Variants in NAV2 observed in about 807,000 individuals in gnomAD.
NAV2 encodes the protein helicase, APC down-regulated 1.
NAV2 carries 54 observed loss-of-function variants against 223.2 expected under a neutral mutation model. That is an observed-to-expected ratio of 0.24 (90% confidence interval 0.19 to 0.30). NAV2 has a LOEUF of 0.30. NAV2 is among the 10% of genes least tolerant of loss of function. The pLI, the probability that NAV2 is intolerant of heterozygous loss-of-function variation, is 1.00. For synonymous variants in NAV2, 1,279 were observed against 1,239.3 expected (o/e 1.03, Z -0.67); for missense variants, 2,806 against 3,147.5 (o/e 0.89, Z 2.60).
At chr11:19,959,617 A>G (rs2048180376) in intron 10 of NAV2, among the ~76,000 whole-genome samples, 1 of 152,204 alleles carries the variant, frequency 6.6e-6, no homozygotes, top group Non-Finnish European at 1.5e-5. Context: ...TGTTTCCTAG[A>G]TTCAATCTGA....
intron 1 of NAV2, among the ~76,000 whole-genome samples, chr11:19,397,418 T>TGTGCGC (rs57566081): frequency 6.9e-6 from 1 of 145,264 alleles, no homozygotes; most frequent in African/African-American, 2.6e-5. Context: ...TGTGTGTGTG[T>TGTGCGC]GCGCGCATGT....
At chr11:19,891,111 A>G (rs1257959546) in intron 5 of NAV2, among the ~76,000 whole-genome samples, 1 of 152,198 alleles carries the variant, frequency 6.6e-6, no homozygotes, top group East Asian at 1.9e-4. Flanking sequence ...CCAGCCAACA[A>G]GAAAAGTTTA....
intron 1 of NAV2, among the ~76,000 whole-genome samples, chr11:19,765,528 C>G (rs949358352): frequency 6.6e-6 from 1 of 151,888 alleles, no homozygotes; most frequent in African/African-American, 2.4e-5. Flanking sequence ...GAAAGCTGTC[C>G]TTAACTGACG....
intron 1 of NAV2, among the ~76,000 whole-genome samples, chr11:19,650,741 A>G (rs2047948000): frequency 6.6e-6 from 1 of 152,254 alleles, no homozygotes; most frequent in Admixed American, 6.5e-5. Context: ...CTACCCGGCA[A>G]TTAAAAGGAA....
intron 1 of NAV2, among the ~76,000 whole-genome samples, chr11:19,750,875 A>G (rs1298702710): frequency 6.6e-6 from 1 of 152,144 alleles, no homozygotes; most frequent in African/African-American, 2.4e-5. Context: ...GCTATATACT[A>G]TACACTGTGC....
At chr11:19,652,089 T>G (rs1250785735) in intron 1 of NAV2, among the ~76,000 whole-genome samples, 1 of 152,156 alleles carries the variant, frequency 6.6e-6, no homozygotes, top group Non-Finnish European at 1.5e-5. Context: ...ATAACTCGGA[T>G]GCACAGTGAT....
intron 1 of NAV2, among the ~76,000 whole-genome samples, chr11:19,617,431 G>A (rs1179314092): frequency 6.6e-6 from 1 of 152,140 alleles, no homozygotes; most frequent in Non-Finnish European, 1.5e-5. Flanking sequence ...TAACTGTCTG[G>A]TAATGGGGGG....
intron 2 of NAV2, among the ~76,000 whole-genome samples, chr11:19,837,839 A>AT (rs1264614916): frequency 6.6e-5 from 10 of 152,220 alleles, no homozygotes; most frequent in Admixed American, 3.3e-4. Context: ...TCTAAAGGAC[A>AT]TTTTTTACTC....
chr11:19,611,760 C>T (rs2046652327), intron 1 of NAV2, among the ~76,000 whole-genome samples: 1 of 152,194 alleles, frequency 6.6e-6, no homozygotes, highest in Non-Finnish European at 1.5e-5. Flanking sequence ...CTTTCACAGG[C>T]TGACGTTGAG....
intron 1 of NAV2, among the ~76,000 whole-genome samples, chr11:19,517,217 A>G (rs1303067981): frequency 6.6e-6 from 1 of 152,134 alleles, no homozygotes; most frequent in Non-Finnish European, 1.5e-5. Flanking sequence ...CAAAGTTTGC[A>G]AAAACTCACA....
intron 19 of NAV2, among the ~76,000 whole-genome samples, chr11:20,058,438 TG>T (rs1414717947): frequency 1.3e-5 from 2 of 152,240 alleles, no homozygotes; most frequent in Non-Finnish European, 1.5e-5. Flanking sequence ...AGATGCATTA[TG>T]CGATCTTAAA....
intron 11 of NAV2, among the ~76,000 whole-genome samples, chr11:20,035,729 G>A (rs1308479916): frequency 6.6e-6 from 1 of 152,196 alleles, no homozygotes; most frequent in Non-Finnish European, 1.5e-5. Context: ...CCCCTGCTAT[G>A]GAAGCACTTA....
intron 1 of NAV2, among the ~76,000 whole-genome samples, chr11:19,550,372 A>C (rs1403490205): frequency 6.6e-6 from 1 of 152,256 alleles, no homozygotes; most frequent in African/African-American, 2.4e-5. Context: ...TACTGTGTAC[A>C]GGACTCTGTT....
At position 20,093,094 on chromosome 11, in the gene NAV2, C is replaced by G; in HGVS notation, c.5816-5C>G. ...CCTAAGGCTGTTGATGTTTTCCATT[C>G]GCAGACATGTTGCTGGATGACACTG... On this transcript the variant is annotated splice_region_variant and splice_polypyrimidine_tract_variant and intron_variant, in intron 28 of 37. Transcript: ENST00000349880. The G allele has an allele frequency of 1.2e-6, 2 of 1,607,520 alleles. No individual in the cohort carries two copies. Among genetic ancestry groups the G allele is most frequent in the Non-Finnish European group, 1.7e-6 (2 of 1,175,806 alleles).
chr11:20,101,191 G>A lies in NAV2; in HGVS notation c.6417+19G>A. The A allele has an allele frequency of 6.3e-7, 1 of 1,593,568 alleles. No homozygotes were observed. Among genetic ancestry groups the A allele is most frequent in the South Asian group, 1.1e-5 (1 of 89,942 alleles). On this transcript the variant is annotated intron_variant, in intron 32 of 37. Coordinates refer to ENST00000349880, the MANE Select transcript of NAV2 (RefSeq NM_145117.5). The stretch of plus-strand genomic sequence containing the variant: ...CAGCAAGGTGAGGAGGTCATTCTGA[G>A]TCTGCTGTATTTTTTGGCCCTTTCA...
rs747623998 is a variant in NAV2 at position 19,818,664 on chromosome 11, G to A, written c.268-13820G>A. Among the ~76,000 whole-genome samples the A allele has an allele frequency of 2.9e-4, 44 of 152,152 alleles. 2 individuals are homozygous for A. Among genetic ancestry groups the A allele is most frequent in the Admixed American group, 2.7e-3 (42 of 15,274 alleles). On this transcript the variant is annotated intron_variant, in intron 1 of 37. Coordinates refer to ENST00000349880, the MANE Select transcript of NAV2 (RefSeq NM_145117.5). Reference sequence around the variant, plus strand: ...AACTCTCTTGAGCCAGTCCATGCCTGCCCTGGCATACCACTGTATGTGTGT... The same window carrying A: ...AACTCTCTTGAGCCAGTCCATGCCTACCCTGGCATACCACTGTATGTGTGT...
chr11:19,936,156 A>T (rs1002819292), intron 7 of NAV2, among the ~76,000 whole-genome samples: 4 of 151,772 alleles, frequency 2.6e-5, no homozygotes, highest in Non-Finnish European at 5.9e-5. Flanking sequence ...GGCATGAGCC[A>T]CCGCGCCCAG....
intron 1 of NAV2, chr11:19,511,423 G>A (rs903336236): frequency 2.0e-5 from 3 of 152,294 alleles, no homozygotes; most frequent in African/African-American, 7.2e-5. Flanking sequence ...GGGTGGAAAG[G>A]GGAAAGGGAG....
intron 1 of NAV2, among the ~76,000 whole-genome samples, chr11:19,625,812 T>C (rs1390552038): frequency 6.6e-6 from 1 of 152,038 alleles, no homozygotes; most frequent in Admixed American, 6.6e-5. Flanking sequence ...ATGTTGAACA[T>C]TTTTTTTCAT....
Sources: allele counts gnomAD v4.1 joint callset (sites outside exome capture counted in the v4.1 genomes callset), GRCh38; gene constraint gnomAD v4.1.1; transcripts MANE v1.5; gene names NCBI Gene and HGNC (gene_info 2026-07-23, HGNC 2026-07-21).